PDE9A: variants seen among roughly 807,000 people sequenced by gnomAD.
The protein encoded by PDE9A is high affinity cGMP-specific 3',5'-cyclic phosphodiesterase 9A.
In PDE9A, 60 loss-of-function variants were observed where a neutral mutation model predicts 87.4. The ratio of observed to expected loss-of-function variants is 0.69; its 90% CI spans 0.56 to 0.85. The LOEUF (loss-of-function observed/expected upper bound fraction) is 0.85. Among genes scored for constraint, PDE9A ranks in the 40% least tolerant of loss-of-function variants. The pLI is 0.00. For missense variants in PDE9A, 665 were observed against 779.0 expected (o/e 0.85, Z 1.74); for synonymous variants, 272 against 279.4 (o/e 0.97, Z 0.27).
Position 42,759,788 on chromosome 21 carries a change from G to T in PDE9A, c.898-540G>T, listed in dbSNP as rs1330256841. 1.4e-5 allele frequency among the ~76,000 whole-genome samples: 2 copies of T among 147,716 alleles called. No homozygotes were observed. The highest frequency in any genetic ancestry group is 5.0e-5 in the African/African-American group (2 of 39,884). The stretch of plus-strand genomic sequence containing the variant: ...GTGCATGTGTGTATCTGGATGTGGG[G>T]GTGTGTGAGGGTGGATGTGTGCATG... On this transcript the variant is annotated intron_variant, in intron 11 of 19. Transcript: ENST00000291539. This position sits in a 1 kb window ranked among gnomAD's most constrained non-coding sequence, Gnocchi z 7.2.
At chr21:42,668,519 T>A (rs1268138767) in intron 1 of PDE9A, among the ~76,000 whole-genome samples, 1 of 152,210 alleles carries the variant, frequency 6.6e-6, no homozygotes, top group Admixed American at 6.5e-5. Context: ...GAGAGTCCTG[T>A]GTGCAGAGCT....
chr21:42,715,235 T>G (rs1434760792), intron 4 of PDE9A, among the ~76,000 whole-genome samples: 1 of 149,158 alleles, frequency 6.7e-6, no homozygotes, highest in Non-Finnish European at 1.5e-5. Context: ...GTTTTTTAGA[T>G]TCACGGCAAA....
At chr21:42,773,652 T>A (rs997237450) in intron 19 of PDE9A, among the ~76,000 whole-genome samples, 30 of 146,514 alleles carry the variant, frequency 2.0e-4, no homozygotes, top group Non-Finnish European at 3.9e-4. Flanking sequence ...ACACAAAAAA[T>A]TAGCCGGGCG....
In PDE9A at chr21:42,769,019, C is replaced by A; in HGVS notation, c.1462-8C>A. On this transcript the variant is annotated splice_polypyrimidine_tract_variant and splice_region_variant and intron_variant, in intron 16 of 19. Transcript: ENST00000291539. ...CTCTAATGTCACTGTCTGCTGCATTCCCTGCAGAGCGACCGTGAGAAGTCA... is the reference window on the plus strand; with the variant it reads ...CTCTAATGTCACTGTCTGCTGCATTACCTGCAGAGCGACCGTGAGAAGTCA... 6.2e-7 allele frequency: 1 copy of A among 1,606,768 alleles called. No individual in the cohort carries two copies. Among genetic ancestry groups the A allele is most frequent in the East Asian group, 2.2e-5 (1 of 44,740 alleles).
rs755348252 is a variant in PDE9A, at chr21:42,702,950, G to A, written c.262+3939G>A. Among the ~76,000 whole-genome samples the A allele has an allele frequency of 1.1e-4, 16 of 152,240 alleles. No homozygotes were observed. The highest frequency in any genetic ancestry group is 2.2e-4 in the Non-Finnish European group (15 of 68,042). On this transcript the variant is annotated intron_variant, in intron 4 of 19. Transcript: ENST00000291539. This position sits in a 1 kb window ranked among gnomAD's most constrained non-coding sequence, Gnocchi z 4.9. Reference sequence around the variant, plus strand: ...TTTTAAATCTTGCTCAGGGCGCTGGGTCGAGATCACGAAAGGGAAGTGGCA... The same window carrying A: ...TTTTAAATCTTGCTCAGGGCGCTGGATCGAGATCACGAAAGGGAAGTGGCA...
intron 4 of PDE9A, among the ~76,000 whole-genome samples, chr21:42,719,398 G>C (rs548668526): frequency 2.0e-5 from 3 of 151,832 alleles, no homozygotes; most frequent in African/African-American, 7.2e-5. Flanking sequence ...ACTTTGGGAG[G>C]CCGAGGTGGG....
At chr21:42,673,792 G>A (rs965936734) in intron 1 of PDE9A, among the ~76,000 whole-genome samples, 1 of 152,148 alleles carries the variant, frequency 6.6e-6, no homozygotes, top group Non-Finnish European at 1.5e-5. Context: ...GGTCCTGCCT[G>A]CACCGCTTTG....
chr21:42,661,900 C>T (rs2145833673), intron 1 of PDE9A, among the ~76,000 whole-genome samples: 1 of 152,238 alleles, frequency 6.6e-6, no homozygotes, highest in South Asian at 2.1e-4. Flanking sequence ...AAGACAGATG[C>T]GCCAGGTTCC....
intron 4 of PDE9A, among the ~76,000 whole-genome samples, chr21:42,725,114 C>T (rs963590426): frequency 2.6e-5 from 4 of 152,192 alleles, no homozygotes; most frequent in Non-Finnish European, 5.9e-5. Flanking sequence ...GGTCCAGATC[C>T]GGAACATGGC....
At chr21:42,693,614 CAG>C (rs1195738284) in intron 3 of PDE9A, among the ~76,000 whole-genome samples, 26 of 121,490 alleles carry the variant, frequency 2.1e-4, no homozygotes, top group African/African-American at 5.3e-4. Context: ...TTTTTTGAGA[CAG>C]AGTTTCACTC....
Position 42,739,247 on chromosome 21 carries a change from A to G in PDE9A, c.569-4529A>G, listed in dbSNP as rs529585423. Among the ~76,000 whole-genome samples, 193 of 152,350 alleles carry G rather than the reference A, an allele frequency of 1.3e-3. No homozygotes were observed. The highest frequency in any genetic ancestry group is 4.3e-3 in the African/African-American group (179 of 41,590). ...AGAGCCGACGTCCAGGCTCCACGGT[A>G]GGGCCGTCCTGCTGCTGTCTGCAGA... On this transcript the variant is annotated intron_variant, in intron 7 of 19. Coordinates refer to ENST00000291539, the MANE Select transcript of PDE9A (RefSeq NM_002606.3). This position sits in a 1 kb window ranked among gnomAD's most constrained non-coding sequence, Gnocchi z 4.1.
chr21:42,667,709 G>A (rs1158437875), intron 1 of PDE9A, among the ~76,000 whole-genome samples: 1 of 152,122 alleles, frequency 6.6e-6, no homozygotes, highest in African/African-American at 2.4e-5. Flanking sequence ...AAGCCTTGCT[G>A]GGCCTTCTTG....
At chr21:42,746,377 T>A in intron 8 of PDE9A, among the ~76,000 whole-genome samples, 1 of 152,180 alleles carries the variant, frequency 6.6e-6, no homozygotes, top group Non-Finnish European at 1.5e-5. Context: ...AAAATCAAGG[T>A]GCCAGCAGGC....
intron 4 of PDE9A, among the ~76,000 whole-genome samples, chr21:42,711,063 A>G (rs2049292300): frequency 6.6e-6 from 1 of 152,006 alleles, no homozygotes; most frequent in Non-Finnish European, 1.5e-5. Context: ...TTTGTAGGAA[A>G]CTCTACATAA....
In PDE9A at chr21:42,759,159, G is replaced by A. The variant is rs983603981; in HGVS notation, c.897+74G>A. 5.4e-5 allele frequency: 59 copies of A among 1,089,038 alleles called. No individual in the cohort carries two copies. The highest frequency in any genetic ancestry group is 1.7e-4 in the South Asian group (13 of 77,238). The allele number at this position is 1,089,038 out of a possible 1,614,324, so 67.5% of individuals were successfully genotyped here. A position where few individuals can be genotyped will look rare whatever the true frequency, so the allele number is the denominator to read the frequency against. ...CAGTTCCACAGGAATGGAGGGAATGGATCACCAGGGCACCTTCCGGATGGC... is the reference window on the plus strand; with the variant it reads ...CAGTTCCACAGGAATGGAGGGAATGAATCACCAGGGCACCTTCCGGATGGC... On this transcript the variant is annotated intron_variant, in intron 11 of 19. Transcript: ENST00000291539. This position sits in a 1 kb window ranked among gnomAD's most constrained non-coding sequence, Gnocchi z 7.2.
At position 42,666,538 on chromosome 21, in the gene PDE9A, G is replaced by A. The variant is rs534191037; in HGVS notation, c.69+12655G>A. On this transcript the variant is annotated intron_variant, in intron 1 of 19. Coordinates refer to ENST00000291539, the MANE Select transcript of PDE9A (RefSeq NM_002606.3). ...CGGCGTCACAAAGGACCACAGGCCC[G>A]GCGGCCTCCACAGCAGACACCAAGG... 7.9e-5 allele frequency among the ~76,000 whole-genome samples: 12 copies of A among 152,260 alleles called. No homozygotes were observed. The South Asian group carries it at 2.3e-3, about 29-fold the overall frequency.
intron 4 of PDE9A, among the ~76,000 whole-genome samples, chr21:42,706,765 G>A (rs73905752): frequency 0.034 from 5,231 of 152,144 alleles, 135 homozygotes; most frequent in African/African-American, 0.065. Context: ...GTACCTGTGA[G>A]CAGTCCCCCC....
intron 17 of PDE9A, among the ~76,000 whole-genome samples, chr21:42,769,379 G>A (rs185866506): frequency 4.5e-5 from 6 of 132,550 alleles, no homozygotes; most frequent in African/African-American, 1.8e-4. Context: ...GTGCACACAG[G>A]TACACAGGCA....
At chr21:42,720,108 C>T (rs2050347491) in intron 4 of PDE9A, among the ~76,000 whole-genome samples, 2 of 152,192 alleles carry the variant, frequency 1.3e-5, no homozygotes, top group South Asian at 4.1e-4. Context: ...TGGACAAAGT[C>T]CCAGCAGCGT....
Sources: allele counts gnomAD v4.1 joint callset (sites outside exome capture counted in the v4.1 genomes callset), GRCh38; gene constraint gnomAD v4.1.1; non-coding constraint Gnocchi (gnomAD v3.1); transcripts MANE v1.5; gene names NCBI Gene and HGNC (gene_info 2026-07-23, HGNC 2026-07-21).